GALNT13: variants seen among roughly 807,000 people sequenced by gnomAD.
GALNT13 encodes UDP-GalNAc:polypeptide N-acetylgalactosaminyltransferase 13.
Under a neutral mutation model 64.2 loss-of-function variants are expected in GALNT13, and 28 were observed. The ratio of observed to expected loss-of-function variants is 0.44; its 90% CI spans 0.32 to 0.60. The LOEUF is 0.60. Ranked by LOEUF, GALNT13 falls within the 20% of genes least tolerant of loss-of-function variation. GALNT13 has a pLI of 0.05. For synonymous variants in GALNT13, 214 were observed against 224.6 expected (o/e 0.95, Z 0.42); for missense variants, 577 against 669.8 (o/e 0.86, Z 1.53).
chr2:153,823,174 AGT>A, the GALNT13 span, among the ~76,000 whole-genome samples: 72 of 152,350 alleles, frequency 4.7e-4, no homozygotes, highest in African/African-American at 1.6e-3. Context: ...TGGAAAAATC[AGT>A]GTCTTTAAAA....
the GALNT13 span, among the ~76,000 whole-genome samples, chr2:153,301,900 T>TGTGG: frequency 4.0e-5 from 6 of 151,870 alleles, no homozygotes; most frequent in African/African-American, 1.5e-4. Flanking sequence ...TGTGTGTGTG[T>TGTGG]GTGTGTGTGT....
the GALNT13 span, among the ~76,000 whole-genome samples, chr2:153,777,430 TAATCACCA>T: frequency 6.6e-6 from 1 of 152,172 alleles, no homozygotes; most frequent in Non-Finnish European, 1.5e-5. Flanking sequence ...TGTTGAAACT[TAATCACCA>T]ATGCGATAGT....
At chr2:154,082,350 CTTAA>C (rs1238819591) in intron 3 of GALNT13, among the ~76,000 whole-genome samples, 2 of 151,582 alleles carry the variant, frequency 1.3e-5, no homozygotes, top group African/African-American at 4.8e-5. Context: ...TTAAAAATCT[CTTAA>C]TTTTTAGTTC....
At chr2:153,243,486 G>T in the GALNT13 span, among the ~76,000 whole-genome samples, 1 of 151,312 alleles carries the variant, frequency 6.6e-6, no homozygotes, top group Non-Finnish European at 1.5e-5. Context: ...TTACTTATCA[G>T]ATTTTTCATC....
At chr2:153,587,500 C>T in the GALNT13 span, among the ~76,000 whole-genome samples, 10 of 152,252 alleles carry the variant, frequency 6.6e-5, no homozygotes, top group South Asian at 2.1e-3. Context: ...TCATGTCTTA[C>T]ATGGATGGCA....
rs542109674 is a variant in GALNT13 at position 153,964,534 on chromosome 2, T to C, written c.142+19895T>C. On this transcript the variant is annotated intron_variant, in intron 3 of 12. Transcript: ENST00000392825. The stretch of plus-strand genomic sequence containing the variant: ...GTTACTAATATGAATAATTTAGTTA[T>C]GAATATTGAGGTTTATTTTTAAAAT... Among the ~76,000 whole-genome samples, 6 of 152,296 alleles carry C rather than the reference T, an allele frequency of 3.9e-5. No homozygotes were observed. In the South Asian group the frequency reaches 1.0e-3, roughly 26 times the overall value.
At chr2:153,398,230 T>A in the GALNT13 span, among the ~76,000 whole-genome samples, 1 of 152,174 alleles carries the variant, frequency 6.6e-6, no homozygotes, top group Admixed American at 6.5e-5. Flanking sequence ...GTTTCACCCA[T>A]GTCCCTACAA....
the GALNT13 span, among the ~76,000 whole-genome samples, chr2:153,157,062 G>A: frequency 4.5e-4 from 69 of 152,262 alleles, no homozygotes; most frequent in Middle Eastern, 3.4e-3. Flanking sequence ...AAAAAGTGGA[G>A]ACATAAGGCA....
At chr2:153,628,345 C>G in the GALNT13 span, among the ~76,000 whole-genome samples, 1 of 152,072 alleles carries the variant, frequency 6.6e-6, no homozygotes, top group Non-Finnish European at 1.5e-5. Context: ...ATTTCCTTCT[C>G]CTGCCGAATT....
intron 3 of GALNT13, among the ~76,000 whole-genome samples, chr2:153,972,080 C>T (rs1693778849): frequency 2.0e-5 from 3 of 151,980 alleles, no homozygotes; most frequent in Non-Finnish European, 2.9e-5. Flanking sequence ...AGAAGATGAA[C>T]GAGACAAGGA....
At chr2:154,213,739 A>T (rs982112674) in intron 4 of GALNT13, among the ~76,000 whole-genome samples, 3 of 152,208 alleles carry the variant, frequency 2.0e-5, no homozygotes, top group Non-Finnish European at 4.4e-5. Flanking sequence ...GTGGGAAATC[A>T]TGTTTTTATA....
At chr2:153,858,981 G>A in the GALNT13 span, among the ~76,000 whole-genome samples, 14 of 152,246 alleles carry the variant, frequency 9.2e-5, no homozygotes, top group South Asian at 1.2e-3. Flanking sequence ...TGATCTGCCC[G>A]CCTTGGCCTC....
chr2:153,825,608 CTGTGTGTGTGTGTGTGTGTGTG>C, the GALNT13 span, among the ~76,000 whole-genome samples: 4 of 134,864 alleles, frequency 3.0e-5, no homozygotes, highest in Admixed American at 7.5e-5. Context: ...TCCATGAGTG[CTGTGTGTGTGTGTGTGTGTGTG>C]TGTGTGTGTG....
At chr2:153,335,843 C>A in the GALNT13 span, among the ~76,000 whole-genome samples, 3 of 152,194 alleles carry the variant, frequency 2.0e-5, no homozygotes, top group Non-Finnish European at 4.4e-5. Flanking sequence ...CCATCACGGA[C>A]CTGGAGGCCC....
At chr2:153,983,122 T>C (rs28456079) in intron 3 of GALNT13, among the ~76,000 whole-genome samples, 52 of 151,926 alleles carry the variant, frequency 3.4e-4, no homozygotes, top group Non-Finnish European at 6.6e-4. Flanking sequence ...CTGTCTTGCA[T>C]AGAGTGAAAT....
At chr2:153,307,835 C>A in the GALNT13 span, among the ~76,000 whole-genome samples, 5 of 152,016 alleles carry the variant, frequency 3.3e-5, no homozygotes, top group African/African-American at 4.8e-5. Context: ...TATAAAAGAT[C>A]AGGGACCTAT....
the GALNT13 span, among the ~76,000 whole-genome samples, chr2:153,420,475 G>A: frequency 6.6e-6 from 1 of 152,118 alleles, no homozygotes; most frequent in African/African-American, 2.4e-5. Flanking sequence ...CATGTATATG[G>A]AAATTTTATT....
At chr2:153,604,065 A>G in the GALNT13 span, among the ~76,000 whole-genome samples, 6 of 151,984 alleles carry the variant, frequency 3.9e-5, no homozygotes, top group African/African-American at 7.2e-5. Flanking sequence ...ATTACTTACA[A>G]TGTAAAGATG....
intron 9 of GALNT13, among the ~76,000 whole-genome samples, chr2:154,365,668 A>T (rs1559115571): frequency 6.6e-6 from 1 of 152,212 alleles, no homozygotes; most frequent in South Asian, 2.1e-4. Context: ...TTTCTTCACC[A>T]GCTTTATTCA....
Sources: gnomAD v4.1 joint callset for allele counts (sites outside exome capture counted in the v4.1 genomes callset) on GRCh38, gnomAD v4.1.1 for gene constraint, MANE v1.5 for transcripts, NCBI Gene and HGNC (gene_info 2026-07-23, HGNC 2026-07-21) for gene names.